The following ANKS1B variants were observed in gnomAD, a reference collection of about 807,000 sequenced individuals.
ANKS1B encodes ankyrin repeat and sterile alpha motif domain-containing protein 1B.
Under a neutral mutation model 148.3 loss-of-function variants are expected in ANKS1B, and 36 were observed. The observed-to-expected ratio is 0.24, with a 90% CI of 0.19 to 0.32. The LOEUF (loss-of-function observed/expected upper bound fraction) is 0.32. Ranked by LOEUF, ANKS1B falls within the 10% of genes least tolerant of loss-of-function variation. The pLI is 1.00. For missense variants in ANKS1B, 1,157 were observed against 1,542.6 expected (o/e 0.75, Z 4.19); for synonymous variants, 542 against 560.8 (o/e 0.97, Z 0.47).
At chr12:99,078,745 C>T (rs1393080731) in intron 16 of ANKS1B, among the ~76,000 whole-genome samples, 1 of 151,814 alleles carries the variant, frequency 6.6e-6, no homozygotes, top group East Asian at 1.9e-4. Flanking sequence ...AGATGTACCC[C>T]ACCCTGCCCG....
rs113366005 is a variant in ANKS1B at position 99,401,955 on chromosome 12, T to A, written c.1576-2144A>T. On this transcript the variant is annotated intron_variant, in intron 11 of 26. Coordinates refer to ENST00000683438, the MANE Select transcript of ANKS1B (RefSeq NM_001352186.2). Reference sequence around the variant, plus strand: ...TGCTCCCTCATTTAGTTATGGTCTATGACTGCCCTCGTACTATAATTGCAG... The same window carrying A: ...TGCTCCCTCATTTAGTTATGGTCTAAGACTGCCCTCGTACTATAATTGCAG... Among the ~76,000 whole-genome samples, 277 of 146,874 alleles carry A rather than the reference T, an allele frequency of 1.9e-3. 37 individuals carry two copies. Among genetic ancestry groups the A allele is most frequent in the African/African-American group, 6.7e-3 (262 of 38,936 alleles).
At chr12:99,550,897 T>A (rs944245264) in intron 9 of ANKS1B, among the ~76,000 whole-genome samples, 24 of 152,208 alleles carry the variant, frequency 1.6e-4, no homozygotes, top group Admixed American at 1.4e-3. Flanking sequence ...TTGCTGCTTA[T>A]CCTTGATTAT....
At chr12:99,115,767 C>T (rs2061235092) in intron 15 of ANKS1B, among the ~76,000 whole-genome samples, 1 of 151,868 alleles carries the variant, frequency 6.6e-6, no homozygotes, top group South Asian at 2.1e-4. Context: ...TCTGTCTCTA[C>T]TTAAAAAATA....
intron 17 of ANKS1B, among the ~76,000 whole-genome samples, chr12:98,972,147 A>T (rs530874604): frequency 5.3e-5 from 8 of 152,176 alleles, no homozygotes; most frequent in Non-Finnish European, 1.0e-4. Context: ...CAGCCTGGGC[A>T]ACACAGCGAG....
At chr12:98,969,870 T>A (rs928372627) in intron 17 of ANKS1B, among the ~76,000 whole-genome samples, 1 of 152,220 alleles carries the variant, frequency 6.6e-6, no homozygotes, top group Non-Finnish European at 1.5e-5. Flanking sequence ...TCTATCTAAC[T>A]ACATAGCCAG....
intron 2 of ANKS1B, among the ~76,000 whole-genome samples, chr12:99,815,472 T>C (rs568645299): frequency 2.0e-5 from 3 of 151,844 alleles, no homozygotes; most frequent in Non-Finnish European, 4.4e-5. Context: ...TTTTGTTAAA[T>C]GTGCTTATTT....
intron 1 of ANKS1B, among the ~76,000 whole-genome samples, chr12:99,943,222 A>G (rs2094963377): frequency 6.6e-6 from 1 of 152,190 alleles, no homozygotes; most frequent in Admixed American, 6.5e-5. Flanking sequence ...ATGATCCAAA[A>G]CATCTCTTTC....
At position 98,862,044 on chromosome 12, in the gene ANKS1B, T is replaced by C. The variant is rs138450977; in HGVS notation, c.2779-29908A>G. Among the ~76,000 whole-genome samples, 66 of 152,336 alleles carry C rather than the reference T, an allele frequency of 4.3e-4. 2 individuals are homozygous for C. In the East Asian group the frequency reaches 0.011, roughly 26 times the overall value. On this transcript the variant is annotated intron_variant, in intron 17 of 26. Coordinates refer to ENST00000683438, the MANE Select transcript of ANKS1B (RefSeq NM_001352186.2). ...TTCTTTCTTTTTAAAAATTCAGCCA[T>C]GATTTTAGAGTGACAGATTTGCCAT...
At chr12:98,907,173 T>C (rs1301083180) in intron 17 of ANKS1B, among the ~76,000 whole-genome samples, 1 of 152,218 alleles carries the variant, frequency 6.6e-6, no homozygotes, top group East Asian at 1.9e-4. Context: ...ACTGCAAGTT[T>C]GTACCCTTTG....
chr12:99,436,807 A>G (rs116484328), intron 11 of ANKS1B, among the ~76,000 whole-genome samples: 1,752 of 152,152 alleles, frequency 0.012, 38 homozygotes, highest in African/African-American at 0.036. Flanking sequence ...GTAGGTGTTC[A>G]GAAATGACTC....
chr12:99,181,060 T>C (rs2079055361), intron 14 of ANKS1B, among the ~76,000 whole-genome samples: 1 of 152,214 alleles, frequency 6.6e-6, no homozygotes, highest in Non-Finnish European at 1.5e-5. Flanking sequence ...TGACTATCCA[T>C]TCTTCATCAA....
chr12:98,903,979 G>T (rs762820524), intron 17 of ANKS1B, among the ~76,000 whole-genome samples: 2 of 152,020 alleles, frequency 1.3e-5, no homozygotes, highest in Non-Finnish European at 1.5e-5. Flanking sequence ...TTTGTACCCA[G>T]TAGAGGCCAG....
chr12:99,787,928 T>C (rs1296462351), intron 4 of ANKS1B, among the ~76,000 whole-genome samples: 1 of 152,110 alleles, frequency 6.6e-6, no homozygotes, highest in Non-Finnish European at 1.5e-5. Flanking sequence ...TGAGGGGACA[T>C]TTGCACCAGC....
intron 17 of ANKS1B, among the ~76,000 whole-genome samples, chr12:98,899,722 C>G (rs925419708): frequency 3.9e-5 from 6 of 152,228 alleles, no homozygotes; most frequent in African/African-American, 1.2e-4. Context: ...CCTACTGGTT[C>G]TGCTTCTCTG....
intron 8 of ANKS1B, among the ~76,000 whole-genome samples, chr12:99,746,946 A>G (rs2060653522): frequency 6.6e-6 from 1 of 152,074 alleles, no homozygotes; most frequent in African/African-American, 2.4e-5. Context: ...CCTATAAATT[A>G]CTAAATTCAG....
intron 9 of ANKS1B, among the ~76,000 whole-genome samples, chr12:99,598,393 C>T (rs1255031478): frequency 6.6e-6 from 1 of 151,996 alleles, no homozygotes. Flanking sequence ...ATCATTTTTA[C>T]TTAGATTATC....
intron 10 of ANKS1B, among the ~76,000 whole-genome samples, chr12:99,455,010 T>C (rs549377025): frequency 1.3e-5 from 2 of 152,370 alleles, no homozygotes; most frequent in South Asian, 2.1e-4. Flanking sequence ...GTTTTACTAA[T>C]GCACTTGTGC....
At chr12:99,385,321 C>A (rs941512027) in intron 12 of ANKS1B, among the ~76,000 whole-genome samples, 1 of 151,950 alleles carries the variant, frequency 6.6e-6, no homozygotes, top group Non-Finnish European at 1.5e-5. Context: ...ATACAAAAAT[C>A]AGCTGGGCGT....
At chr12:99,891,789 T>C (rs1481589153) in intron 1 of ANKS1B, among the ~76,000 whole-genome samples, 1 of 152,208 alleles carries the variant, frequency 6.6e-6, no homozygotes, top group Non-Finnish European at 1.5e-5. Context: ...ATTGCAGTTA[T>C]GCTTTTAGAA....
Sources: allele counts gnomAD v4.1 joint callset (sites outside exome capture counted in the v4.1 genomes callset), GRCh38; gene constraint gnomAD v4.1.1; transcripts MANE v1.5; gene names NCBI Gene and HGNC (gene_info 2026-07-23, HGNC 2026-07-21).